Variants in SMARCA4 observed in about 807,000 individuals in gnomAD.
SMARCA4 encodes the protein SWI/SNF related BAF chromatin remodeling complex subunit ATPase 4.
A neutral mutation model predicts 193.9 loss-of-function variants in SMARCA4; 31 were observed. The observed-to-expected ratio is 0.16, with a 90% CI of 0.12 to 0.22. SMARCA4 has a LOEUF of 0.22. Among genes scored for constraint, SMARCA4 ranks in the 10% least tolerant of loss-of-function variants. The pLI, the probability that SMARCA4 is intolerant of heterozygous loss-of-function variation, is 1.00. For missense variants in SMARCA4, 1,148 were observed against 2,296.0 expected (o/e 0.50, Z 10.22); for synonymous variants, 942 against 933.1 (o/e 1.01, Z -0.17).
At chr19:11,047,418 T>C (rs375585179) in intron 30 of SMARCA4, among the ~76,000 whole-genome samples, 105 of 151,786 alleles carry the variant, frequency 6.9e-4, no homozygotes, top group African/African-American at 1.8e-3. Flanking sequence ...AGGTTTTTTT[T>C]TTTTTTTGGA....
chr19:11,002,768 C>G (rs1003492461), intron 11 of SMARCA4, among the ~76,000 whole-genome samples: 4 of 141,138 alleles, frequency 2.8e-5, no homozygotes, highest in Non-Finnish European at 6.0e-5. Context: ...CCACTGCACT[C>G]TAGCCTGGGT....
intron 1 of SMARCA4, among the ~76,000 whole-genome samples, chr19:10,968,342 C>A (rs1442579181): frequency 7.2e-5 from 11 of 152,130 alleles, no homozygotes; most frequent in Non-Finnish European, 1.6e-4. Flanking sequence ...TTTGGGGACT[C>A]TGTTACCTCC....
In SMARCA4 at chr19:11,041,023, A is replaced by G. The variant is rs2075572564; in HGVS notation, c.4171-284A>G. 2 of 464,254 alleles carry G rather than the reference A, an allele frequency of 4.3e-6. No individual in the cohort carries two copies. The highest frequency in any genetic ancestry group is 7.5e-5 in the East Asian group (2 of 26,692). 28.8% of individuals were successfully genotyped at this position (464,254 alleles called of 1,614,324 possible). On this transcript the variant is annotated intron_variant, in intron 29 of 34. Transcript: ENST00000344626. The surrounding 1 kb of genome is among the most constrained non-coding windows in gnomAD (Gnocchi z 5.6). Reference sequence around the variant, plus strand: ...ATTTCAGGAGCACGTTCTTTTCTGTACAGAGAAGATAGTTCTTTTTTTTTG... The same window carrying G: ...ATTTCAGGAGCACGTTCTTTTCTGTGCAGAGAAGATAGTTCTTTTTTTTTG...
intron 1 of SMARCA4, among the ~76,000 whole-genome samples, chr19:10,979,170 G>A (rs12459603): frequency 0.076 from 11,614 of 151,928 alleles, 738 homozygotes; most frequent in East Asian, 0.35. Flanking sequence ...GTGGGACCGT[G>A]TGTGTAGATG....
rs550496664 is a variant in SMARCA4, at chr19:10,964,758, A to C, written c.-32+3584A>C. Among the ~76,000 whole-genome samples, 276 of 152,060 alleles carry C rather than the reference A, an allele frequency of 1.8e-3. 1 individual carries two copies. The highest frequency in any genetic ancestry group is 6.8e-3 in the Middle Eastern group (2 of 294). ...TCAGCCTCTGGAGTGGATGGGACTA[A>C]GGACGTGCACCACCATGCCCAGCTA... On this transcript the variant is annotated intron_variant, in intron 1 of 34. Coordinates refer to ENST00000344626, the MANE Select transcript of SMARCA4 (RefSeq NM_003072.5).
intron 30 of SMARCA4, chr19:11,056,119 G>T (rs1282920912): frequency 6.6e-6 from 1 of 152,290 alleles, no homozygotes; most frequent in Non-Finnish European, 1.5e-5. Context: ...AACAGGATGT[G>T]CCGGCTTAGG....
chr19:11,027,728 G>T (rs1424104985), intron 23 of SMARCA4, 56 bp from the exon 24 acceptor site: 2 of 1,602,782 alleles, frequency 1.2e-6, no homozygotes, highest in African/African-American at 1.3e-5. Context: ...TTACCTGCCT[G>T]CAGGGTTCCA....
At chr19:10,998,906 T>C (rs1416122106) in intron 11 of SMARCA4, among the ~76,000 whole-genome samples, 2 of 151,590 alleles carry the variant, frequency 1.3e-5, no homozygotes, top group Non-Finnish European at 2.9e-5. Context: ...TTTTTTTTTT[T>C]TTTTTGTCTG....
intron 9 of SMARCA4, chr19:10,995,463 G>A (rs114432444): frequency 4.2e-4 from 194 of 457,890 alleles, no homozygotes; most frequent in African/African-American, 2.7e-3. Context: ...GGGCAGATAC[G>A]CGAATGAAGC....
rs1175614981 is a variant in SMARCA4 at position 11,034,528 on chromosome 19, A to T, written c.3951+328A>T. On this transcript the variant is annotated intron_variant, in intron 28 of 34. Transcript: ENST00000344626. The surrounding 1 kb of genome is among the most constrained non-coding windows in gnomAD (Gnocchi z 7.0). ...CCTATCCAAGGCCAAGGGACTGACC[A>T]GGCCTTCAGTCGCAGAGCCCCCTTG... 6.6e-6 allele frequency among the ~76,000 whole-genome samples: 1 copy of T among 152,150 alleles called. No individual in the cohort carries two copies. Among genetic ancestry groups the T allele is most frequent in the Non-Finnish European group, 1.5e-5 (1 of 68,016 alleles).
At chr19:10,976,129 T>G (rs887024129) in intron 1 of SMARCA4, among the ~76,000 whole-genome samples, 1 of 152,178 alleles carries the variant, frequency 6.6e-6, no homozygotes, top group Non-Finnish European at 1.5e-5. Context: ...GGGACGACCT[T>G]TGGCCACCCC....
chr19:10,963,854 T>C (rs994603060), intron 1 of SMARCA4, among the ~76,000 whole-genome samples: 4 of 151,124 alleles, frequency 2.6e-5, no homozygotes, highest in African/African-American at 9.7e-5. Context: ...CTTGAGAGGC[T>C]GGGGCAGGAG....
chr19:11,010,889 G>A, intron 15 of SMARCA4: 1 of 361,524 alleles, frequency 2.8e-6, no homozygotes, highest in Non-Finnish European at 5.4e-6. Context: ...CTGAACCAGG[G>A]CCGGAGCTCA....
chr19:11,012,811 C>T (rs541749740), intron 15 of SMARCA4, 138 bp from the exon 16 acceptor site: 15 of 758,264 alleles, frequency 2.0e-5, no homozygotes, highest in Non-Finnish European at 3.1e-5. Flanking sequence ...AGGAAAAATC[C>T]GTGGTAAAGG....
chr19:10,985,274 C>A lies in SMARCA4; in HGVS notation c.224C>A (p.Pro75His), dbSNP rs2145748026. 1 of 1,613,888 alleles carries A rather than the reference C, an allele frequency of 6.2e-7. No homozygotes were observed. The highest frequency in any genetic ancestry group is 8.5e-7 in the Non-Finnish European group (1 of 1,179,984). The stretch of plus-strand genomic sequence containing the variant: ...GCCTTGCCATGGTCCCTCTCGCAGC[C>A]CATGGAGTCCATGCATGAGAAGGGC... ...PQDNMHQMHK[P>H]MESMHEKGMS... The change falls in exon 3 of 35, where the codon CCC becomes CAC. Residue 75 changes from proline (P) to histidine (H), a missense_variant and splice_region_variant. Pro to His is a moderately conservative substitution (Grantham distance 77). This residue lies in a region of SMARCA4 where 201 missense variants were observed against 248.3 expected (regional missense o/e 0.81). Coordinates refer to ENST00000344626, the MANE Select transcript of SMARCA4 (RefSeq NM_003072.5). This position sits in a 1 kb window ranked among gnomAD's most constrained non-coding sequence, Gnocchi z 4.5.
At chr19:10,991,051 T>C in intron 7 of SMARCA4, 99 bp from the exon 8 acceptor site, 1 of 1,565,116 alleles carries the variant, frequency 6.4e-7, no homozygotes, top group Non-Finnish European at 8.7e-7. Flanking sequence ...CTTACAATGC[T>C]CCTTTAGCGG....
chr19:11,000,871 A>T (rs1226058067), intron 11 of SMARCA4, among the ~76,000 whole-genome samples: 1 of 151,926 alleles, frequency 6.6e-6, no homozygotes, highest in African/African-American at 2.4e-5. Context: ...AAAAAAAAAA[A>T]AAAAAGTCAT....
At chr19:11,061,204 A>AAAAAAAATATAT (rs1555797070) in intron 34 of SMARCA4, among the ~76,000 whole-genome samples, 2 of 45,220 alleles carry the variant, frequency 4.4e-5, no homozygotes, top group African/African-American at 2.3e-4. Context: ...AAAAAAAAAA[A>AAAAAAAATATAT]ATATATATAT....
In SMARCA4 at chr19:11,033,540, C is replaced by G. The variant is rs759403911; in HGVS notation, c.3774+23C>G. ...GAGGTGAGCCCAGCACCGGCCCCGA[C>G]CCCTCCCCAGCGTGAATGGTGGACG... On this transcript the variant is annotated intron_variant, in intron 26 of 34. Coordinates refer to ENST00000344626, the MANE Select transcript of SMARCA4 (RefSeq NM_003072.5). The surrounding 1 kb of genome is among the most constrained non-coding windows in gnomAD (Gnocchi z 9.8). 1.3e-6 allele frequency: 2 copies of G among 1,579,510 alleles called. No individual in the cohort carries two copies. The highest frequency in any genetic ancestry group is 1.7e-6 in the Non-Finnish European group (2 of 1,149,508).
Sources: gnomAD v4.1 joint callset for allele counts (sites outside exome capture counted in the v4.1 genomes callset) on GRCh38, gnomAD v4.1.1 for gene constraint, gnomAD v4.1.1 regional missense constraint, Gnocchi (gnomAD v3.1) non-coding constraint, MANE v1.5 for transcripts, NCBI Gene and HGNC (gene_info 2026-07-23, HGNC 2026-07-21) for gene names.